Variants in SLC15A1 observed in about 807,000 individuals in gnomAD.
SLC15A1 encodes the protein Caco-2 oligopeptide transporter.
In SLC15A1, 83 loss-of-function variants were observed where a neutral mutation model predicts 92.9. The ratio of observed to expected loss-of-function variants is 0.89; its 90% CI spans 0.75 to 1.07. The LOEUF is 1.07. SLC15A1 is among the 50% of genes least tolerant of loss of function. The probability of loss-of-function intolerance (pLI) is 0.00; values close to 1 mark genes in which losing one functional copy is unlikely to be tolerated. For missense variants in SLC15A1, 857 were observed against 880.1 expected (o/e 0.97, Z 0.33); for synonymous variants, 322 against 318.2 (o/e 1.01, Z -0.13).
intron 1 of SLC15A1, among the ~76,000 whole-genome samples, chr13:98,737,435 A>G (rs570622615): frequency 4.6e-5 from 7 of 152,368 alleles, no homozygotes; most frequent in Admixed American, 3.9e-4. Flanking sequence ...TGGCACATGT[A>G]TACATATGTA....
At chr13:98,731,375 T>C (rs2088349213) in intron 1 of SLC15A1, among the ~76,000 whole-genome samples, 1 of 152,218 alleles carries the variant, frequency 6.6e-6, no homozygotes, top group Non-Finnish European at 1.5e-5. Flanking sequence ...AGCCTGAAGG[T>C]GCAAAGCGTC....
chr13:98,712,463 G>A (rs1297692741), intron 10 of SLC15A1, 35 bp downstream of exon 10: 5 of 1,482,620 alleles, frequency 3.4e-6, no homozygotes, highest in South Asian at 1.2e-5. Context: ...CTTCCTGGGG[G>A]AATCAGGGTC....
intron 18 of SLC15A1, among the ~76,000 whole-genome samples, chr13:98,700,847 A>G (rs1401240341): frequency 6.6e-6 from 1 of 152,186 alleles, no homozygotes; most frequent in Admixed American, 6.5e-5. Context: ...TGCACTTTTG[A>G]CAAAAATCAG....
rs760459230 is a variant in SLC15A1 at position 98,726,224 on chromosome 13, A to C, written c.144T>G (p.Asp48Glu). Residue 48 changes from aspartate (D) to glutamate (E), a missense_variant, in exon 4 of 23, where the codon GAT becomes GAG. Physicochemically the swap from Asp to Glu is conservative, Grantham distance 45 (BLOSUM62 2). Coordinates refer to ENST00000376503, the MANE Select transcript of SLC15A1 (RefSeq NM_005073.4). Reference sequence around the variant, plus strand: ...GGTAGATGGCGGTGGACAGGTTATCATCCCAGCTGATGAAATTTGTGAAGT... The same window carrying C: ...GGTAGATGGCGGTGGACAGGTTATCCTCCCAGCTGATGAAATTTGTGAAGT... ...ILYFTNFISW[D>E]DNLSTAIYHT... 6.2e-7 allele frequency: 1 copy of C among 1,614,128 alleles called. No homozygotes were observed. The highest frequency in any genetic ancestry group is 8.5e-7 in the Non-Finnish European group (1 of 1,180,022).
chr13:98,733,165 C>T (rs1291374226), intron 1 of SLC15A1, among the ~76,000 whole-genome samples: 1 of 152,220 alleles, frequency 6.6e-6, no homozygotes, highest in Non-Finnish European at 1.5e-5. Flanking sequence ...GGTAGCACTG[C>T]CGACACCTTG....
intron 11 of SLC15A1, among the ~76,000 whole-genome samples, chr13:98,710,619 C>A (rs565094794): frequency 1.8e-4 from 28 of 151,868 alleles, no homozygotes; most frequent in African/African-American, 6.8e-4. Flanking sequence ...AGTTGGAGAC[C>A]GGCCTGGTCA....
chr13:98,724,163 G>T, intron 4 of SLC15A1, 132 bp from the exon 5 acceptor site: 1 of 1,160,978 alleles, frequency 8.6e-7, no homozygotes, highest in Non-Finnish European at 1.2e-6. Context: ...TCTCAAACTT[G>T]AGTAACACTG....
rs756339192 is a variant in SLC15A1, at chr13:98,684,682, G to A, written c.*42C>T. The A allele has an allele frequency of 1.3e-6, 2 of 1,554,148 alleles. No homozygotes were observed. The highest frequency in any genetic ancestry group is 1.8e-6 in the Non-Finnish European group (2 of 1,130,052). On this transcript the variant is annotated 3_prime_UTR_variant, in exon 23 of 23. Coordinates refer to ENST00000376503, the MANE Select transcript of SLC15A1 (RefSeq NM_005073.4). ...CTGCTACCTGGGGGCAGAGGTCAGG[G>A]CATCTGCGGGCCCAGTCCATCCTCC...
At chr13:98,688,124 G>A in intron 20 of SLC15A1, 124 bp downstream of exon 20, 1 of 668,812 alleles carries the variant, frequency 1.5e-6, no homozygotes, top group Non-Finnish European at 2.5e-6. Context: ...TTAATTCTAA[G>A]CCCATTTAAA....
chr13:98,744,712 G>A lies in SLC15A1; in HGVS notation c.4+7883C>T, dbSNP rs182041251. ...TGCAGTGAGCCGAGATCGCGCCACT[G>A]CACTCCAGCCTGGGCGACAGAGCAA... On this transcript the variant is annotated intron_variant, in intron 1 of 22. Coordinates refer to ENST00000376503, the MANE Select transcript of SLC15A1 (RefSeq NM_005073.4). 1.5e-3 allele frequency among the ~76,000 whole-genome samples: 192 copies of A among 128,192 alleles called. No homozygotes were observed. In the Middle Eastern group the frequency reaches 0.017, roughly 12 times the overall value. The allele number at this position is 128,192 out of a possible 152,430, so 84.1% of individuals were successfully genotyped here.
At chr13:98,713,277 G>T (rs1036743055) in intron 9 of SLC15A1, among the ~76,000 whole-genome samples, 1 of 152,014 alleles carries the variant, frequency 6.6e-6, no homozygotes, top group South Asian at 2.1e-4. Context: ...GTCCAGACTG[G>T]TCTCAAATTC....
At chr13:98,719,933 C>A (rs1168882061) in intron 7 of SLC15A1, among the ~76,000 whole-genome samples, 2 of 151,912 alleles carry the variant, frequency 1.3e-5, no homozygotes, top group African/African-American at 4.8e-5. Context: ...GCCATTTTAG[C>A]TTTGAAATCC....
chr13:98,714,393 A>T (rs1390091276), intron 9 of SLC15A1, among the ~76,000 whole-genome samples: 1 of 152,182 alleles, frequency 6.6e-6, no homozygotes. Context: ...ATTGAAATAT[A>T]ATACAATAAT....
chr13:98,749,839 G>A (rs2088527682), intron 1 of SLC15A1, among the ~76,000 whole-genome samples: 1 of 152,148 alleles, frequency 6.6e-6, no homozygotes, highest in Non-Finnish European at 1.5e-5. Context: ...AGATTTTGTG[G>A]CACATGAAAA....
rs71218592 is a variant in SLC15A1, at chr13:98,728,977, T to TAAAAAAA, written c.5-2125_5-2119dup. On this transcript the variant is annotated intron_variant, in intron 1 of 22. Coordinates refer to ENST00000376503, the MANE Select transcript of SLC15A1 (RefSeq NM_005073.4). ...GCCTAGGCCACAGAGTAAGGCTCTG[T>TAAAAAAA]AAAAAAAAAAAAAAAAAAAAAAAAA... Among the ~76,000 whole-genome samples the TAAAAAAA allele has an allele frequency of 1.9e-3, 27 of 13,894 alleles. 3 individuals carry two copies. Among genetic ancestry groups the TAAAAAAA allele is most frequent in the East Asian group, 6.0e-3 (2 of 334 alleles). The allele number at this position is 13,894 out of a possible 152,430, so 9.1% of individuals were successfully genotyped here.
chr13:98,738,207 T>C (rs2088410370), intron 1 of SLC15A1, among the ~76,000 whole-genome samples: 1 of 152,068 alleles, frequency 6.6e-6, no homozygotes, highest in Non-Finnish European at 1.5e-5. Flanking sequence ...AAAGGGGAAG[T>C]AGAGTGTAAA....
intron 18 of SLC15A1, among the ~76,000 whole-genome samples, chr13:98,697,246 G>T (rs2088029834): frequency 6.6e-6 from 1 of 152,138 alleles, no homozygotes; most frequent in Admixed American, 6.6e-5. Context: ...AGTAGAGACG[G>T]AGTTTCACCA....
intron 8 of SLC15A1, among the ~76,000 whole-genome samples, chr13:98,718,024 G>A (rs1261795284): frequency 2.0e-5 from 3 of 149,992 alleles, no homozygotes; most frequent in African/African-American, 4.9e-5. Flanking sequence ...CAGTGGGAAA[G>A]AATTCTAGTA....
At chr13:98,690,156 T>C (rs1293175845) in intron 18 of SLC15A1, among the ~76,000 whole-genome samples, 2 of 152,198 alleles carry the variant, frequency 1.3e-5, no homozygotes, top group Admixed American at 6.5e-5. Context: ...GTCTTACTAG[T>C]GTACACCTCA....
Sources: gnomAD v4.1 joint callset for allele counts (sites outside exome capture counted in the v4.1 genomes callset) on GRCh38, gnomAD v4.1.1 for gene constraint, MANE v1.5 for transcripts, NCBI Gene and HGNC (gene_info 2026-07-23, HGNC 2026-07-21) for gene names.